The following ARFGAP2 variants were observed in gnomAD, a reference collection of about 807,000 sequenced individuals.
ARFGAP2 encodes the protein ADP-ribosylation factor GTPase-activating protein 2.
A neutral mutation model predicts 71.9 loss-of-function variants in ARFGAP2; 45 were observed. The observed-to-expected ratio is 0.63, with a 90% CI of 0.49 to 0.80. The LOEUF (loss-of-function observed/expected upper bound fraction) is 0.80. Ranked by LOEUF, ARFGAP2 falls within the 30% of genes least tolerant of loss-of-function variation. The pLI is 0.00. For synonymous variants in ARFGAP2, 248 were observed against 249.2 expected (o/e 1.00, Z 0.05); for missense variants, 633 against 673.9 (o/e 0.94, Z 0.67).
rs200333791 is a variant in ARFGAP2, at chr11:47,171,609, C to T, written c.810-52G>A. The T allele has an allele frequency of 7.3e-4, 1,183 of 1,613,982 alleles. 2 individuals carry two copies. Among genetic ancestry groups the T allele is most frequent in the South Asian group, 1.1e-3 (100 of 91,080 alleles). On this transcript the variant is annotated intron_variant, in intron 9 of 15. Transcript: ENST00000524782. Reference sequence around the variant, plus strand: ...CCACCACCCATCCTGACCTGTCCAACATACCCACCCACCAAGCCCCGCAGA... The same window carrying T: ...CCACCACCCATCCTGACCTGTCCAATATACCCACCCACCAAGCCCCGCAGA...
rs771853034 is a variant in ARFGAP2 at position 47,164,534 on chromosome 11, C to CA, written c.*947dup. 44 of 252,260 alleles carry CA rather than the reference C, an allele frequency of 1.7e-4. No homozygotes were observed. The highest frequency in any genetic ancestry group is 3.1e-4 in the Non-Finnish European group (40 of 128,820). The allele number at this position is 252,260 out of a possible 1,614,324, so 15.6% of individuals were successfully genotyped here. A position where few individuals can be genotyped will look rare whatever the true frequency, so the allele number is the denominator to read the frequency against. The stretch of plus-strand genomic sequence containing the variant: ...GAATGACAGTGCTTGGCTCAGCTGC[C>CA]AGAGGGTGAGGCCCACAGCTCTCAC... On this transcript the variant is annotated 3_prime_UTR_variant, in exon 16 of 16. Transcript: ENST00000524782.
chr11:47,175,988 T>C (rs752751537), intron 2 of ARFGAP2, 65 bp from the exon 3 acceptor site: 5 of 1,562,478 alleles, frequency 3.2e-6, no homozygotes, highest in Non-Finnish European at 3.5e-6. Flanking sequence ...GCAACCCGGA[T>C]ACCTGTCACT....
chr11:47,168,067 A>C, intron 11 of ARFGAP2, 24 bp from the exon 12 acceptor site: 1 of 1,614,214 alleles, frequency 6.2e-7, no homozygotes, highest in Non-Finnish European at 8.5e-7. Flanking sequence ...AGAGTGGCTC[A>C]GAGAAGCCTG....
Position 47,174,931 on chromosome 11 carries a change from T to A in ARFGAP2, c.480+84A>T, listed in dbSNP as rs576876115. The A allele has an allele frequency of 3.2e-5, 46 of 1,435,382 alleles. No individual in the cohort carries two copies. The South Asian group carries it at 4.5e-4, about 14-fold the overall frequency. The allele number at this position is 1,435,382 out of a possible 1,614,324, so 88.9% of individuals were successfully genotyped here. A position where few individuals can be genotyped will look rare whatever the true frequency, so the allele number is the denominator to read the frequency against. ...ACATCACATCAAAGCAAATGGAATCTACAACCATGATCACAGAAGGCCTGG... is the reference window on the plus strand; with the variant it reads ...ACATCACATCAAAGCAAATGGAATCAACAACCATGATCACAGAAGGCCTGG... On this transcript the variant is annotated intron_variant, in intron 5 of 15. Coordinates refer to ENST00000524782, the MANE Select transcript of ARFGAP2 (RefSeq NM_032389.6).
At chr11:47,166,704 G>C (rs1952393928) in intron 13 of ARFGAP2, 56 bp downstream of exon 13, 1 of 1,601,868 alleles carries the variant, frequency 6.2e-7, no homozygotes, top group Non-Finnish European at 8.5e-7. Flanking sequence ...GCGGCAGGGA[G>C]AAAGCTCATG....
At position 47,171,544 on chromosome 11, in the gene ARFGAP2, G is replaced by T; in HGVS notation, c.823C>A (p.Arg275Ser). The change falls in exon 10 of 16, where the codon CGT (arginine) becomes AGT (serine). Residue 275 changes from arginine to serine, a missense_variant. Arg to Ser is a moderately radical substitution (Grantham distance 110, BLOSUM62 -1). Transcript: ENST00000524782. ...QAEESMVASM[R>S]LAYQELQIDR... Reference sequence around the variant, plus strand: ...ATCTGGAGCTCCTGGTAGGCCAGACGCATGGAGGCGACCCTTAGGGGGAAC... The same window carrying T: ...ATCTGGAGCTCCTGGTAGGCCAGACTCATGGAGGCGACCCTTAGGGGGAAC... 4 of 1,614,170 alleles carry T rather than the reference G, an allele frequency of 2.5e-6. No homozygotes were observed. Among genetic ancestry groups the T allele is most frequent in the Non-Finnish European group, 2.5e-6 (3 of 1,180,034 alleles).
At chr11:47,168,341 T>C (rs1952470236) in intron 10 of ARFGAP2, 90 bp from the exon 11 acceptor site, 3 of 1,559,468 alleles carry the variant, frequency 1.9e-6, no homozygotes, top group Non-Finnish European at 2.6e-6. Flanking sequence ...TGGGTTCTCC[T>C]TCACGGAGCG....
intron 7 of ARFGAP2, chr11:47,172,961 C>G (rs906866225): frequency 5.4e-6 from 2 of 368,694 alleles, no homozygotes; most frequent in African/African-American, 4.3e-5. Context: ...ACTGTTCGCC[C>G]TGAACCAAGT....
chr11:47,168,040 G>A lies in ARFGAP2; in HGVS notation c.1074C>T (p.Tyr358=). The A allele has an allele frequency of 2.2e-5, 35 of 1,614,200 alleles. No homozygotes were observed. Among genetic ancestry groups the A allele is most frequent in the Non-Finnish European group, 2.7e-5 (32 of 1,180,036 alleles). ...CCCCTAAGGAAAAGGGATTGTCCTT[G>A]TACCTAGGGAGACAGTAGAGTGGCT... is the stretch of plus-strand genomic sequence containing the variant. The part of the protein sequence containing the change: ...VGTFASGPPK[Y]KDNPFSLGES... The change falls in exon 12 of 16, where the codon TAC becomes TAT. Residue 358 remains tyrosine, a synonymous_variant. Coordinates refer to ENST00000524782, the MANE Select transcript of ARFGAP2 (RefSeq NM_032389.6).
In ARFGAP2 at chr11:47,174,942, T is replaced by C. The variant is rs573030034; in HGVS notation, c.480+73A>G. 1.4e-4 allele frequency: 214 copies of C among 1,493,970 alleles called. 1 individual carries two copies. The highest frequency in any genetic ancestry group is 7.0e-4 in the East Asian group (31 of 44,294). The allele number at this position is 1,493,970 out of a possible 1,614,324, so 92.5% of individuals were successfully genotyped here. On this transcript the variant is annotated intron_variant, in intron 5 of 15. Coordinates refer to ENST00000524782, the MANE Select transcript of ARFGAP2 (RefSeq NM_032389.6). The stretch of plus-strand genomic sequence containing the variant: ...AAGCAAATGGAATCTACAACCATGA[T>C]CACAGAAGGCCTGGGCCTTGGTAAA...
rs931800658 is a variant in ARFGAP2 at position 47,176,285 on chromosome 11, A to C, written c.191+231T>G. The C allele has an allele frequency of 1.7e-5, 10 of 597,684 alleles. No individual in the cohort carries two copies. In the African/African-American group the frequency reaches 1.9e-4, roughly 11 times the overall value. 37.0% of individuals were successfully genotyped at this position (597,684 alleles called of 1,614,324 possible). A position where few individuals can be genotyped will look rare whatever the true frequency, so the allele number is the denominator to read the frequency against. Reference sequence around the variant, plus strand: ...CCCTCAACTAACGCTCAGAGTCTCAAGCCTGACCGTCAAAAAAGAGGAAGT... The same window carrying C: ...CCCTCAACTAACGCTCAGAGTCTCACGCCTGACCGTCAAAAAAGAGGAAGT... On this transcript the variant is annotated intron_variant, in intron 2 of 15. Coordinates refer to ENST00000524782, the MANE Select transcript of ARFGAP2 (RefSeq NM_032389.6).
intron 2 of ARFGAP2, chr11:47,176,223 A>G (rs1952813195): frequency 1.2e-5 from 7 of 586,890 alleles, no homozygotes; most frequent in Non-Finnish European, 2.1e-5. Flanking sequence ...CTGGTCTAAC[A>G]ACATATCAGC....
intron 3 of ARFGAP2, chr11:47,175,642 C>G: frequency 9.2e-6 from 6 of 655,490 alleles, no homozygotes; most frequent in Non-Finnish European, 1.6e-5. Context: ...TGGCTTTTCC[C>G]CAAGAACACC....
chr11:47,173,861 C>A, intron 5 of ARFGAP2, 21 bp from the exon 6 acceptor site: 1 of 1,582,094 alleles, frequency 6.3e-7, no homozygotes, highest in Admixed American at 1.8e-5. Flanking sequence ...GGCCAGATCA[C>A]AGATGCCTCG....
At chr11:47,170,004 T>C (rs1030882600) in intron 10 of ARFGAP2, among the ~76,000 whole-genome samples, 1 of 152,116 alleles carries the variant, frequency 6.6e-6, no homozygotes, top group African/African-American at 2.4e-5. Flanking sequence ...GTTAAAATGT[T>C]ATGCTCTGGC....
At position 47,166,745 on chromosome 11, in the gene ARFGAP2, G is replaced by C. The variant is rs764222458; in HGVS notation, c.1332+15C>G. 6.2e-6 allele frequency: 10 copies of C among 1,611,580 alleles called. No individual in the cohort carries two copies. The highest frequency in any genetic ancestry group is 7.6e-6 in the Non-Finnish European group (9 of 1,178,680). ...GCCTGCTGCCTCGGACCTCAGGGCA[G>C]ACAGCCCCACTTACCTCTGCATCCA... On this transcript the variant is annotated intron_variant, in intron 13 of 15. Transcript: ENST00000524782.
chr11:47,176,322 G>A, intron 2 of ARFGAP2, 194 bp downstream of exon 2: 1 of 615,670 alleles, frequency 1.6e-6, no homozygotes, highest in South Asian at 2.0e-5. Context: ...TTGGCCCAGA[G>A]GCGGAGACGG....
In ARFGAP2 at chr11:47,166,539, G is replaced by A. The variant is rs1258467799; in HGVS notation, c.1393C>T (p.Leu465Phe). ...TGAGCTCCATCCATGTCCCCAAAGA[G>A]GTCTGAAGAGCTGATGGCACTGCTG... ...SGSSAISSSD[L>F]FGDMDGAHGA... The change falls in exon 14 of 16, where the codon CTC (leucine) becomes TTC (phenylalanine). Residue 465 changes from leucine (L) to phenylalanine (F), a missense_variant. By Grantham distance (22) the Leu-to-Phe change is conservative (BLOSUM62 0). Coordinates refer to ENST00000524782, the MANE Select transcript of ARFGAP2 (RefSeq NM_032389.6). The A allele has an allele frequency of 1.9e-6, 3 of 1,612,542 alleles. No individual in the cohort carries two copies. Among genetic ancestry groups the A allele is most frequent in the East Asian group, 2.2e-5 (1 of 44,874 alleles).
In ARFGAP2 at chr11:47,168,204, TCCTGCTCAATCA is replaced by T; in HGVS notation, c.977_988del (p.Val326_Gln329del). The stretch of plus-strand genomic sequence containing the variant: ...AGAGGATTTTGCACTCACTGGGGTT[TCCTGCTCAATCA>T]CCTGCATCTCAGACAGCACGGAGTG... On this transcript the variant is annotated inframe_deletion, in exon 11 of 16. Coordinates refer to ENST00000524782, the MANE Select transcript of ARFGAP2 (RefSeq NM_032389.6). The T allele has an allele frequency of 6.2e-7, 1 of 1,614,222 alleles. No homozygotes were observed. The highest frequency in any genetic ancestry group is 8.5e-7 in the Non-Finnish European group (1 of 1,180,036).
Sources: allele counts gnomAD v4.1 joint callset (sites outside exome capture counted in the v4.1 genomes callset), GRCh38; gene constraint gnomAD v4.1.1; transcripts MANE v1.5; gene names NCBI Gene and HGNC (gene_info 2026-07-23, HGNC 2026-07-21).